The following CNBD1 variants were observed in gnomAD, a reference collection of about 807,000 sequenced individuals.
CNBD1 encodes cyclic nucleotide-binding domain-containing protein 1.
In CNBD1, 71 loss-of-function variants were observed where a neutral mutation model predicts 54.4. The ratio of observed to expected loss-of-function variants is 1.30; its 90% confidence interval spans 1.08 to 1.59. The LOEUF is 1.59. Ranked by LOEUF, CNBD1 falls within the 40% of genes most tolerant of loss-of-function variation. The pLI is 0.00. For synonymous variants in CNBD1, 182 were observed against 170.7 expected (o/e 1.07, Z -0.51); for missense variants, 659 against 518.0 (o/e 1.27, Z -2.64).
intron 8 of CNBD1, among the ~76,000 whole-genome samples, chr8:87,335,686 G>T (rs779406603): frequency 5.3e-5 from 8 of 152,018 alleles, no homozygotes; most frequent in Non-Finnish European, 1.2e-4. Context: ...TTTTAATTGG[G>T]CCATTTAGCT....
chr8:87,109,001 C>T (rs900521185), intron 4 of CNBD1, among the ~76,000 whole-genome samples: 1 of 152,108 alleles, frequency 6.6e-6, no homozygotes, highest in Non-Finnish European at 1.5e-5. Flanking sequence ...TTGCCCTTGA[C>T]TTTGTTCTGC....
At chr8:87,412,210 G>A (rs543802291) in intron 2 of CNBD1, among the ~76,000 whole-genome samples, 27 of 152,064 alleles carry the variant, frequency 1.8e-4, no homozygotes, top group African/African-American at 6.3e-4. Context: ...AATCATTTAT[G>A]TATGTAATCT....
At chr8:87,124,539 G>C (rs770522062) in intron 4 of CNBD1, among the ~76,000 whole-genome samples, 2 of 151,626 alleles carry the variant, frequency 1.3e-5, no homozygotes, top group Non-Finnish European at 3.0e-5. Context: ...TTAATAAAAT[G>C]AAAGATGAAA....
intron 2 of CNBD1, among the ~76,000 whole-genome samples, chr8:86,888,004 C>T (rs1808706848): frequency 6.6e-6 from 1 of 152,130 alleles, no homozygotes; most frequent in South Asian, 2.1e-4. Flanking sequence ...GTTCAAAGCT[C>T]AGGATTCCTA....
intron 8 of CNBD1, among the ~76,000 whole-genome samples, chr8:87,303,875 CA>C (rs1296907873): frequency 6.6e-6 from 1 of 152,126 alleles, no homozygotes; most frequent in Non-Finnish European, 1.5e-5. Context: ...AGCCAAAAGA[CA>C]CATGAAAAAA....
At chr8:86,983,134 G>A (rs1350300256) in intron 4 of CNBD1, among the ~76,000 whole-genome samples, 4 of 152,100 alleles carry the variant, frequency 2.6e-5, no homozygotes, top group Admixed American at 1.3e-4. Context: ...GGACCCCATG[G>A]GGAGGTAATT....
At chr8:87,158,489 T>G (rs1343724944) in intron 4 of CNBD1, among the ~76,000 whole-genome samples, 5 of 152,186 alleles carry the variant, frequency 3.3e-5, no homozygotes, top group Non-Finnish European at 5.9e-5. Context: ...AAACAGCAAA[T>G]GTGTTCATTT....
chr8:87,277,140 A>C (rs1808499853), intron 6 of CNBD1, among the ~76,000 whole-genome samples: 1 of 151,636 alleles, frequency 6.6e-6, no homozygotes, highest in Admixed American at 6.6e-5. Flanking sequence ...TAGCTCAGGT[A>C]ATTATGGAGG....
intron 4 of CNBD1, among the ~76,000 whole-genome samples, chr8:86,966,732 G>C (rs1040510804): frequency 6.6e-6 from 1 of 152,132 alleles, no homozygotes; most frequent in African/African-American, 2.4e-5. Flanking sequence ...AGCTGCAGAC[G>C]TTTGTGGTGA....
intron 8 of CNBD1, among the ~76,000 whole-genome samples, chr8:87,296,202 T>G (rs1031635216): frequency 3.3e-5 from 5 of 152,220 alleles, no homozygotes; most frequent in African/African-American, 1.2e-4. Flanking sequence ...TGATCCACCA[T>G]TCCTGTCTTC....
At chr8:87,171,710 C>T (rs541497823) in intron 4 of CNBD1, among the ~76,000 whole-genome samples, 38 of 152,048 alleles carry the variant, frequency 2.5e-4, no homozygotes, top group Non-Finnish European at 5.9e-5. Flanking sequence ...ATGATCTCAG[C>T]TCACTGAAAC....
At chr8:87,069,094 A>T (rs1387647785) in intron 4 of CNBD1, among the ~76,000 whole-genome samples, 1 of 152,082 alleles carries the variant, frequency 6.6e-6, no homozygotes, top group East Asian at 1.9e-4. Context: ...TGCTAAGATG[A>T]AGCCATTTTT....
At chr8:87,045,155 G>C (rs182148005) in intron 4 of CNBD1, among the ~76,000 whole-genome samples, 1 of 152,172 alleles carries the variant, frequency 6.6e-6, no homozygotes, top group South Asian at 2.1e-4. Flanking sequence ...GCATGTCCAT[G>C]TGGGGTTCCA....
chr8:86,969,446 C>T (rs1416644980), intron 4 of CNBD1, among the ~76,000 whole-genome samples: 1 of 152,038 alleles, frequency 6.6e-6, no homozygotes, highest in Non-Finnish European at 1.5e-5. Flanking sequence ...TCCATCAATC[C>T]TTTTCTTTGT....
At chr8:87,042,602 GC>G (rs777575315) in intron 4 of CNBD1, among the ~76,000 whole-genome samples, 11 of 152,134 alleles carry the variant, frequency 7.2e-5, no homozygotes, top group Non-Finnish European at 1.2e-4. Context: ...TCAGGAGCCA[GC>G]AAGACCCCTT....
intron 8 of CNBD1, among the ~76,000 whole-genome samples, chr8:87,326,632 C>T (rs1271755918): frequency 0.014 from 1,534 of 112,928 alleles, 182 homozygotes; most frequent in African/African-American, 0.045. Flanking sequence ...CCGTAGTTCT[C>T]GAGCCTTGGT....
At chr8:86,890,888 A>C (rs150649800) in intron 2 of CNBD1, among the ~76,000 whole-genome samples, 5 of 151,594 alleles carry the variant, frequency 3.3e-5, no homozygotes, top group African/African-American at 1.2e-4. Context: ...TTGGCTATAC[A>C]TATGTCTTCT....
chr8:86,978,792 C>A (rs1808402936), intron 4 of CNBD1, among the ~76,000 whole-genome samples: 1 of 152,040 alleles, frequency 6.6e-6, no homozygotes, highest in African/African-American at 2.4e-5. Context: ...CCTCAGCCTC[C>A]CAAAGTGCTG....
rs551395656 is a variant in CNBD1, at chr8:87,073,038, T to A, written c.432-132955T>A. On this transcript the variant is annotated intron_variant, in intron 4 of 10. Coordinates refer to ENST00000518476, the MANE Select transcript of CNBD1 (RefSeq NM_173538.3). ...TTCTGTATTTTTTTTTCTATTCTTG[T>A]CTGTGTGTCCTATTCCAGAAAGATA... Among the ~76,000 whole-genome samples, 31 of 152,054 alleles carry A rather than the reference T, an allele frequency of 2.0e-4. 1 individual carries two copies. Among genetic ancestry groups the A allele is most frequent in the African/African-American group, 7.2e-4 (30 of 41,484 alleles).
Sources: allele counts gnomAD v4.1 joint callset (sites outside exome capture counted in the v4.1 genomes callset), GRCh38; gene constraint gnomAD v4.1.1; transcripts MANE v1.5; gene names NCBI Gene and HGNC (gene_info 2026-07-23, HGNC 2026-07-21).